The following HSCB variants were observed in gnomAD, a reference collection of about 807,000 sequenced individuals.
HSCB encodes HscB mitochondrial iron-sulfur cluster cochaperone, also known as iron-sulfur cluster co-chaperone protein HscB.
A neutral mutation model predicts 31.3 loss-of-function variants in HSCB; 23 were observed. That is an observed-to-expected ratio of 0.74 (90% CI 0.53 to 1.04). The LOEUF (loss-of-function observed/expected upper bound fraction) is 1.04. HSCB is among the 50% of genes least tolerant of loss of function. The pLI is 0.00. For missense variants in HSCB, 297 were observed against 288.1 expected, an observed-to-expected ratio of 1.03 and a Z score of -0.22; for synonymous variants, 110 against 104.5, an observed-to-expected ratio of 1.05 and a Z score of -0.32.
chr22:28,752,806 C>T (rs115538090), intron 5 of HSCB, among the ~76,000 whole-genome samples: 1,898 of 151,894 alleles, frequency 0.012, 47 homozygotes, highest in African/African-American at 0.043. Context: ...ATTGGCTAGG[C>T]GTGGTGGCTC....
At position 28,744,606 on chromosome 22, in the gene HSCB, C is replaced by A. The variant is rs1314841144; in HGVS notation, c.334-9C>A. On this transcript the variant is annotated splice_polypyrimidine_tract_variant and intron_variant, in intron 2 of 5. Coordinates refer to ENST00000216027, the MANE Select transcript of HSCB (RefSeq NM_172002.5). ...ATGGTAATAGTACTATCTTCATCTC[C>A]ACTAACAGACTGAAAAGGACTTCTC... 6.3e-7 allele frequency: 1 copy of A among 1,588,744 alleles called. No individual in the cohort carries two copies. Among genetic ancestry groups the A allele is most frequent in the South Asian group, 1.1e-5 (1 of 90,578 alleles).
rs908222387 is a variant in HSCB, at chr22:28,742,152, G to A, written c.57G>A (p.Gly19=). Residue 19 remains glycine, a synonymous_variant, in exon 1 of 6, where the codon GGG becomes GGA. Transcript: ENST00000216027. ...GGGTGTGGGGGTTTTGGCCGACAGG[G>A]GTTCCCAGAAGGAGACCGCTAAGCT... ...LLRVWGFWPT[G]VPRRRPLSCD... The A allele has an allele frequency of 1.9e-6, 3 of 1,613,382 alleles. No individual in the cohort carries two copies. The highest frequency in any genetic ancestry group is 1.1e-5 in the South Asian group (1 of 90,988).
At chr22:28,751,775 C>G (rs1165734447) in intron 5 of HSCB, among the ~76,000 whole-genome samples, 1 of 151,296 alleles carries the variant, frequency 6.6e-6, no homozygotes, top group Non-Finnish European at 1.5e-5. Flanking sequence ...ACATTTCTGC[C>G]TTTCTAGAGA....
chr22:28,745,839 T>C, intron 3 of HSCB, 25 bp from the exon 4 acceptor site: 1 of 1,583,508 alleles, frequency 6.3e-7, no homozygotes, highest in East Asian at 2.2e-5. Context: ...CTTCAACTTA[T>C]TTTTCTTGCT....
At position 28,751,240 on chromosome 22, in the gene HSCB, G is replaced by C; in HGVS notation, c.569-1G>C. ...ATTAACAGAATGGTTTTCTTTTTCA[G>C]CTAAACAGAAAGAATTTACTGACAA... On this transcript the variant is annotated splice_acceptor_variant, in intron 4 of 5. Transcript: ENST00000216027. LOFTEE classifies it high-confidence loss of function. 1 of 1,587,846 alleles carries C rather than the reference G, an allele frequency of 6.3e-7. No individual in the cohort carries two copies. The highest frequency in any genetic ancestry group is 2.2e-5 in the East Asian group (1 of 44,594).
At chr22:28,756,864 C>T (rs1051466101) in intron 5 of HSCB, among the ~76,000 whole-genome samples, 1 of 152,090 alleles carries the variant, frequency 6.6e-6, no homozygotes, top group African/African-American at 2.4e-5. Context: ...GAATCCTGTA[C>T]ACATGCTCTT....
At chr22:28,754,382 G>A (rs1370402985) in intron 5 of HSCB, among the ~76,000 whole-genome samples, 2 of 151,856 alleles carry the variant, frequency 1.3e-5, no homozygotes, top group Non-Finnish European at 2.9e-5. Flanking sequence ...AAAGAGTTCT[G>A]TGGAAGGTCA....
At chr22:28,746,522 G>A (rs991308527) in intron 4 of HSCB, among the ~76,000 whole-genome samples, 4 of 152,186 alleles carry the variant, frequency 2.6e-5, no homozygotes, top group African/African-American at 9.6e-5. Context: ...AGAGGCCGAG[G>A]AAGGCAGATC....
At chr22:28,746,596 AC>A (rs544742692) in intron 4 of HSCB, among the ~76,000 whole-genome samples, 4 of 151,570 alleles carry the variant, frequency 2.6e-5, no homozygotes, top group Admixed American at 6.6e-5. Flanking sequence ...CTAAAAAAAT[AC>A]AAAAAAATCA....
At chr22:28,751,457 T>A (rs1052821639) in intron 5 of HSCB, among the ~76,000 whole-genome samples, 169 bp downstream of exon 5, 1 of 152,158 alleles carries the variant, frequency 6.6e-6, no homozygotes, top group Non-Finnish European at 1.5e-5. Context: ...CCTTTAAGAA[T>A]CTACATTTCT....
At position 28,742,169 on chromosome 22, in the gene HSCB, C is replaced by T; in HGVS notation, c.74C>T (p.Pro25Leu). 1 of 1,613,784 alleles carries T rather than the reference C, an allele frequency of 6.2e-7. No homozygotes were observed. Among genetic ancestry groups the T allele is most frequent in the South Asian group, 1.1e-5 (1 of 91,018 alleles). Residue 25 changes from proline to leucine, a missense_variant, in exon 1 of 6, where the codon CCG becomes CTG. Coordinates refer to ENST00000216027, the MANE Select transcript of HSCB (RefSeq NM_172002.5). ...CCGACAGGGGTTCCCAGAAGGAGAC[C>T]GCTAAGCTGCGATGCTGCGTCGCAG... ...FWPTGVPRRR[P>L]LSCDAASQAG...
Position 28,755,847 on chromosome 22 carries a change from G to A in HSCB, c.617-1231G>A, listed in dbSNP as rs369984311. 4.6e-5 allele frequency among the ~76,000 whole-genome samples: 7 copies of A among 152,052 alleles called. No homozygotes were observed. The East Asian group carries it at 1.2e-3, about 25-fold the overall frequency. ...TATAAGATGATTAGCAGCATCCCTG[G>A]CCTGTACCCACCAGATGTCAGTACT... On this transcript the variant is annotated intron_variant, in intron 5 of 5. Transcript: ENST00000216027.
intron 4 of HSCB, among the ~76,000 whole-genome samples, chr22:28,746,777 T>G (rs2054699843): frequency 6.6e-6 from 1 of 151,768 alleles, no homozygotes; most frequent in Non-Finnish European, 1.5e-5. Context: ...TGCATGCCTG[T>G]AATCCCAACT....
chr22:28,745,663 CAT>C (rs1222015732), intron 3 of HSCB, 199 bp from the exon 4 acceptor site: 1 of 442,022 alleles, frequency 2.3e-6, no homozygotes, highest in Non-Finnish European at 4.0e-6. Context: ...ACCAAGGTCA[CAT>C]AGTTTTGGGT....
In HSCB at chr22:28,742,129, G is replaced by A. The variant is rs777745319; in HGVS notation, c.34G>A (p.Val12Met). 1.8e-5 allele frequency: 29 copies of A among 1,610,814 alleles called. No individual in the cohort carries two copies. The highest frequency in any genetic ancestry group is 2.4e-5 in the Non-Finnish European group (28 of 1,178,804). ...WRGRAGALLR[V>M]WGFWPTGVPR... ...GGGGAGAGCCGGGGCTTTGCTCCGG[G>A]TGTGGGGGTTTTGGCCGACAGGGGT... Residue 12 changes from valine to methionine, a missense_variant, in exon 1 of 6, where the codon GTG becomes ATG. Val to Met is a conservative substitution (Grantham distance 21). Transcript: ENST00000216027.
chr22:28,742,424 GA>G, intron 1 of HSCB, 93 bp downstream of exon 1: 1 of 1,532,042 alleles, frequency 6.5e-7, no homozygotes, highest in Non-Finnish European at 8.8e-7. Context: ...TGGCGGAAGA[GA>G]AGGCGGGACT....
intron 5 of HSCB, 146 bp downstream of exon 5, chr22:28,751,434 C>A (rs1422389366): frequency 9.5e-6 from 5 of 526,742 alleles, no homozygotes; most frequent in African/African-American, 2.0e-5. Context: ...ACATTTCTGT[C>A]TTTAAAAAAA....
intron 5 of HSCB, among the ~76,000 whole-genome samples, chr22:28,752,004 T>A (rs75855247): frequency 6.6e-6 from 1 of 151,736 alleles, no homozygotes; most frequent in Non-Finnish European, 1.5e-5. Context: ...GCCAGGAGAA[T>A]TGCTTGAACC....
chr22:28,743,687 G>C (rs1228316408), intron 1 of HSCB, among the ~76,000 whole-genome samples, 195 bp from the exon 2 acceptor site: 1 of 152,128 alleles, frequency 6.6e-6, no homozygotes, highest in Admixed American at 6.5e-5. Flanking sequence ...GGTTTCAGCT[G>C]AGTGTCATCT....
Sources: allele counts gnomAD v4.1 joint callset (sites outside exome capture counted in the v4.1 genomes callset), GRCh38; gene constraint gnomAD v4.1.1; transcripts MANE v1.5; gene names NCBI Gene and HGNC (gene_info 2026-07-23, HGNC 2026-07-21).